The following KCTD1 variants were observed in gnomAD, a reference collection of about 807,000 sequenced individuals.
KCTD1 encodes potassium channel tetramerization domain containing 1.
A neutral mutation model predicts 66.0 loss-of-function variants in KCTD1; 24 were observed. That is an observed-to-expected ratio of 0.36 (90% CI 0.26 to 0.51). The LOEUF is 0.51. KCTD1 is among the 20% of genes least tolerant of loss of function. The pLI, the probability that KCTD1 is intolerant of heterozygous loss-of-function variation, is 0.95. For missense variants in KCTD1, 943 were observed against 1,205.2 expected (o/e 0.78, Z 3.22); for synonymous variants, 511 against 517.2 (o/e 0.99, Z 0.16).
chr18:26,507,768 G>C (rs1369238271), intron 1 of KCTD1, among the ~76,000 whole-genome samples: 1 of 151,916 alleles, frequency 6.6e-6, no homozygotes, highest in East Asian at 1.9e-4. Flanking sequence ...AAGGTGTCAG[G>C]AACAAAAGGG....
At chr18:26,578,134 G>T (rs1986273806) in intron 1 of KCTD1, among the ~76,000 whole-genome samples, 1 of 140,866 alleles carries the variant, frequency 7.1e-6, no homozygotes, top group South Asian at 2.2e-4. Context: ...TCGGCTCACT[G>T]CAACCTCAGC....
chr18:26,629,181 C>T (rs924276527), exon 1 of KCTD1: 1 of 985,222 alleles, frequency 1.0e-6, no homozygotes, highest in Non-Finnish European at 1.2e-6. Context: ...TCATCTGCAC[C>T]CTCCGTCCCA....
chr18:26,480,613 C>CA (rs1343573775), intron 2 of KCTD1, among the ~76,000 whole-genome samples: 1 of 152,002 alleles, frequency 6.6e-6, no homozygotes, highest in African/African-American at 2.4e-5. Context: ...ACTAAAAATA[C>CA]AAAAATTAGC....
At chr18:26,535,754 G>C (rs1984671652) in intron 1 of KCTD1, among the ~76,000 whole-genome samples, 1 of 152,108 alleles carries the variant, frequency 6.6e-6, no homozygotes, top group Non-Finnish European at 1.5e-5. Context: ...AAAAGTACCA[G>C]TGTAGAAGTG....
chr18:26,484,677 C>T (rs1036590118), intron 2 of KCTD1, among the ~76,000 whole-genome samples: 3 of 152,130 alleles, frequency 2.0e-5, no homozygotes, highest in Non-Finnish European at 2.9e-5. Context: ...ACTGAATGCC[C>T]ACCATGTTCC....
chr18:26,598,213 AC>A (rs1986811862), intron 1 of KCTD1, among the ~76,000 whole-genome samples: 1 of 152,060 alleles, frequency 6.6e-6, no homozygotes, highest in Non-Finnish European at 1.5e-5. Context: ...AGAATATATG[AC>A]CTTTGTGTTT....
chr18:26,596,261 G>C (rs1262669921), intron 1 of KCTD1, among the ~76,000 whole-genome samples: 1 of 151,996 alleles, frequency 6.6e-6, no homozygotes, highest in East Asian at 1.9e-4. Context: ...AGATATACCA[G>C]AAAGCTCTCT....
intron 1 of KCTD1, among the ~76,000 whole-genome samples, chr18:26,529,979 G>A (rs990274077): frequency 1.3e-5 from 2 of 152,196 alleles, no homozygotes; most frequent in Non-Finnish European, 2.9e-5. Flanking sequence ...TAAGGTGGAC[G>A]GCTAGACCTA....
intron 1 of KCTD1, among the ~76,000 whole-genome samples, chr18:26,596,452 A>G (rs1986768594): frequency 6.6e-6 from 1 of 152,190 alleles, no homozygotes. Flanking sequence ...TGTTTAAGTC[A>G]CCTAGTCTAT....
chr18:26,530,702 C>T (rs990667259), intron 1 of KCTD1, among the ~76,000 whole-genome samples: 1 of 152,266 alleles, frequency 6.6e-6, no homozygotes, highest in African/African-American at 2.4e-5. Flanking sequence ...ACTTAACCTT[C>T]AGGGCACTGT....
At chr18:26,610,620 A>C (rs1307418823) in intron 1 of KCTD1, among the ~76,000 whole-genome samples, 1 of 146,112 alleles carries the variant, frequency 6.8e-6, no homozygotes, top group Non-Finnish European at 1.5e-5. Context: ...GAAGGAATGA[A>C]GGAAGGAAGG....
At chr18:26,584,959 G>A (rs1378772327) in intron 1 of KCTD1, among the ~76,000 whole-genome samples, 1 of 152,200 alleles carries the variant, frequency 6.6e-6, no homozygotes, top group African/African-American at 2.4e-5. Flanking sequence ...GAGTGTGGGA[G>A]TGAGCTGAGG....
chr18:26,643,728 C>A (rs983628388), upstream of KCTD1, among the ~76,000 whole-genome samples: 1 of 152,130 alleles, frequency 6.6e-6, no homozygotes, highest in South Asian at 2.1e-4. Flanking sequence ...TTTGGGAGGC[C>A]AAGGCGGGCA....
exon 1 of KCTD1, chr18:26,657,381 T>C: frequency 1.0e-6 from 1 of 985,530 alleles, no homozygotes; most frequent in Non-Finnish European, 1.2e-6. Flanking sequence ...AAGCACAAAG[T>C]CTCTCTCCAA....
intron 1 of KCTD1, among the ~76,000 whole-genome samples, chr18:26,507,068 A>C (rs1274207074): frequency 6.6e-6 from 1 of 152,178 alleles, no homozygotes; most frequent in Non-Finnish European, 1.5e-5. Context: ...CGGGAGGCGG[A>C]GGCAGGAGAA....
intron 3 of KCTD1, among the ~76,000 whole-genome samples, chr18:26,467,971 G>A (rs1339903823): frequency 1.3e-5 from 2 of 152,116 alleles, no homozygotes; most frequent in Non-Finnish European, 2.9e-5. Context: ...GAGCAACATG[G>A]GGGCCACTTA....
intron 1 of KCTD1, among the ~76,000 whole-genome samples, chr18:26,605,732 C>A (rs868285710): frequency 1.4e-4 from 15 of 107,550 alleles, no homozygotes; most frequent in African/African-American, 4.6e-4. Context: ...CTATATCTAT[C>A]TATCTATCTA....
chr18:26,508,707 A>ATT (rs869171143), intron 1 of KCTD1, among the ~76,000 whole-genome samples: 1 of 49,812 alleles, frequency 2.0e-5, no homozygotes, highest in Admixed American at 1.8e-4. Flanking sequence ...ATTTAAATAT[A>ATT]TTTCTCTCTC....
intron 1 of KCTD1, among the ~76,000 whole-genome samples, chr18:26,579,523 G>A (rs1432509280): frequency 6.6e-6 from 1 of 152,060 alleles, no homozygotes; most frequent in Non-Finnish European, 1.5e-5. Flanking sequence ...TTTCTGTACT[G>A]TTTCCCCTAA....
Sources: allele counts gnomAD v4.1 joint callset (sites outside exome capture counted in the v4.1 genomes callset), GRCh38; gene constraint gnomAD v4.1.1; transcripts MANE v1.5; gene names NCBI Gene and HGNC (gene_info 2026-07-23, HGNC 2026-07-21).